The following GPR149 variants were observed in gnomAD, a reference collection of about 807,000 sequenced individuals.
GPR149 encodes the protein probable G protein-coupled receptor 149.
A neutral mutation model predicts 50.2 loss-of-function variants in GPR149; 50 were observed. That is an observed-to-expected ratio of 1.00 (90% CI 0.79 to 1.26). The LOEUF (loss-of-function observed/expected upper bound fraction) is 1.26. Among genes scored for constraint, GPR149 ranks in the 50% most tolerant of loss-of-function variants. The pLI is 0.00. For missense variants in GPR149, 983 were observed against 895.4 expected (o/e 1.10, Z -1.25); for synonymous variants, 405 against 358.2 (o/e 1.13, Z -1.48).
At chr3:154,342,020 T>A (rs1255705244) in intron 3 of GPR149, among the ~76,000 whole-genome samples, 1 of 152,186 alleles carries the variant, frequency 6.6e-6, no homozygotes, top group Admixed American at 6.5e-5. Flanking sequence ...CATTACAAAA[T>A]TAAGTTAGAT....
intron 3 of GPR149, among the ~76,000 whole-genome samples, chr3:154,420,658 C>T (rs1045936474): frequency 1.3e-5 from 2 of 151,646 alleles, no homozygotes; most frequent in African/African-American, 4.8e-5. Flanking sequence ...ATAAAACTTC[C>T]CTTGGAGACT....
intron 3 of GPR149, among the ~76,000 whole-genome samples, chr3:154,356,082 C>T (rs6792885): frequency 0.24 from 36,148 of 151,938 alleles, 4,586 homozygotes; most frequent in South Asian, 0.32. Flanking sequence ...AGTAAATGAG[C>T]ACTTGGGACC....
chr3:154,358,130 G>A (rs1210423821), intron 3 of GPR149, among the ~76,000 whole-genome samples: 2 of 151,864 alleles, frequency 1.3e-5, no homozygotes, highest in African/African-American at 4.8e-5. Context: ...TCACACACTG[G>A]GGCCTGTTGT....
chr3:154,429,905 G>A lies in GPR149; in HGVS notation c.-290C>T, dbSNP rs946269498. On this transcript the variant is annotated 5_prime_UTR_variant, in exon 1 of 4. Coordinates refer to ENST00000389740, the MANE Select transcript of GPR149 (RefSeq NM_001038705.3). ...AACTCCTTCCCACCATCAAGTTTCA[G>A]GGAAGAAAGCCAAAAAAATAAACAA... 6.6e-6 allele frequency among the ~76,000 whole-genome samples: 1 copy of A among 151,148 alleles called. No homozygotes were observed. Among genetic ancestry groups the A allele is most frequent in the Non-Finnish European group, 1.5e-5 (1 of 67,884 alleles).
rs756525523 is a variant in GPR149, at chr3:154,427,527, T to C, written c.1163A>G (p.Asp388Gly). 1 of 1,608,576 alleles carries C rather than the reference T, an allele frequency of 6.2e-7. No individual in the cohort carries two copies. Among genetic ancestry groups the C allele is most frequent in the South Asian group, 1.1e-5 (1 of 90,214 alleles). ...TGTTGAGGACTTACTTTTTTTCCCA[T>C]CGGACGCCACTGCATATGCGTTCTG... ...CRQNAYAVASDGKKIKRKGFE... is the reference protein window; with the variant it reads ...CRQNAYAVASGGKKIKRKGFE... The change falls in exon 2 of 4, where the codon GAT becomes GGT. Residue 388 changes from aspartate (D) to glycine (G), a missense_variant. Transcript: ENST00000389740.
At chr3:154,410,762 C>T (rs966139055) in intron 3 of GPR149, among the ~76,000 whole-genome samples, 36 of 152,244 alleles carry the variant, frequency 2.4e-4, no homozygotes, top group Non-Finnish European at 2.2e-4. Flanking sequence ...TAATACTCCA[C>T]GGACAGCACT....
intron 3 of GPR149, among the ~76,000 whole-genome samples, chr3:154,371,086 C>G (rs1360179657): frequency 1.3e-5 from 2 of 152,122 alleles, no homozygotes; most frequent in African/African-American, 4.8e-5. Flanking sequence ...ACCACTTTTC[C>G]TTATTAAAGG....
intron 3 of GPR149, among the ~76,000 whole-genome samples, chr3:154,348,735 T>C (rs1576899314): frequency 2.0e-5 from 3 of 152,148 alleles, no homozygotes; most frequent in South Asian, 4.1e-4. Flanking sequence ...AAGAGCATCA[T>C]TAATCAATAA....
intron 3 of GPR149, among the ~76,000 whole-genome samples, chr3:154,385,329 GT>G (rs1217465114): frequency 6.6e-6 from 1 of 152,200 alleles, no homozygotes; most frequent in Admixed American, 6.5e-5. Context: ...TTTTGTACCG[GT>G]TGTGAACAAT....
chr3:154,426,215 T>C (rs1169704929), intron 2 of GPR149, among the ~76,000 whole-genome samples: 2 of 152,190 alleles, frequency 1.3e-5, no homozygotes, highest in African/African-American at 4.8e-5. Context: ...TAAAGACAAA[T>C]GCATCTGCCA....
At chr3:154,398,758 T>C (rs1469454999) in intron 3 of GPR149, among the ~76,000 whole-genome samples, 1 of 152,198 alleles carries the variant, frequency 6.6e-6, no homozygotes. Flanking sequence ...TTCATCAATG[T>C]AGGAACTAAC....
chr3:154,401,052 A>G (rs9832013), intron 3 of GPR149, among the ~76,000 whole-genome samples: 8,684 of 152,314 alleles, frequency 0.057, 345 homozygotes, highest in Middle Eastern at 0.095. Flanking sequence ...ATGATTCATG[A>G]GAGAAGAAAG....
intron 3 of GPR149, among the ~76,000 whole-genome samples, chr3:154,375,393 G>A (rs1050476189): frequency 1.3e-5 from 2 of 151,842 alleles, no homozygotes; most frequent in African/African-American, 4.8e-5. Context: ...CATTTTTGTT[G>A]GTATTAACTC....
In GPR149 at chr3:154,337,093, A is replaced by G. The variant is rs1206084967; in HGVS notation, c.*606T>C. The G allele has an allele frequency of 6.6e-6, 1 of 152,174 alleles. No homozygotes were observed. The highest frequency in any genetic ancestry group is 1.5e-5 in the Non-Finnish European group (1 of 67,996). 9.4% of individuals were successfully genotyped at this position (152,174 alleles called of 1,614,324 possible). A position where few individuals can be genotyped will look rare whatever the true frequency, so the allele number is the denominator to read the frequency against. ...AGGTAAGAAAAAAAGAAAAAACAGT[A>G]AACAATTTATATTTGGTAGAAATGA... On this transcript the variant is annotated 3_prime_UTR_variant, in exon 4 of 4. Transcript: ENST00000389740.
At chr3:154,362,752 T>C (rs745659739) in intron 3 of GPR149, among the ~76,000 whole-genome samples, 18 of 152,166 alleles carry the variant, frequency 1.2e-4, no homozygotes, top group Non-Finnish European at 2.2e-4. Context: ...ATTTTTTTAT[T>C]ATAAATAAAT....
chr3:154,368,030 G>A (rs1343564871), intron 3 of GPR149, among the ~76,000 whole-genome samples: 2 of 152,184 alleles, frequency 1.3e-5, no homozygotes, highest in Admixed American at 6.5e-5. Context: ...ACCCTCCAGG[G>A]CTGGGAACGT....
intron 3 of GPR149, chr3:154,354,567 T>G (rs973470263): frequency 1.1e-5 from 2 of 178,276 alleles, no homozygotes; most frequent in African/African-American, 4.8e-5. Context: ...TTTTTTCCTT[T>G]TCCTTTTTTT....
intron 3 of GPR149, among the ~76,000 whole-genome samples, chr3:154,402,382 C>T (rs1473821357): frequency 1.3e-5 from 2 of 150,398 alleles, no homozygotes; most frequent in Admixed American, 6.7e-5. Context: ...TACCACTGCA[C>T]TCCAGCCTAG....
intron 3 of GPR149, among the ~76,000 whole-genome samples, chr3:154,387,030 A>G (rs1332104579): frequency 6.6e-6 from 1 of 152,142 alleles, no homozygotes; most frequent in East Asian, 1.9e-4. Flanking sequence ...ATGCTACAAC[A>G]TATGTTAACA....
Sources: gnomAD v4.1 joint callset for allele counts (sites outside exome capture counted in the v4.1 genomes callset) on GRCh38, gnomAD v4.1.1 for gene constraint, MANE v1.5 for transcripts, NCBI Gene and HGNC (gene_info 2026-07-23, HGNC 2026-07-21) for gene names.